The following RAB3IL1 variants were observed in gnomAD, a reference collection of about 807,000 sequenced individuals.
The protein encoded by RAB3IL1 is guanine nucleotide exchange factor for Rab-3A.
RAB3IL1 carries 37 observed loss-of-function variants against 49.2 expected under a neutral mutation model. The ratio of observed to expected loss-of-function variants is 0.75; its 90% CI spans 0.58 to 0.99. RAB3IL1 has a LOEUF of 0.99. RAB3IL1 is among the 50% of genes least tolerant of loss of function. The pLI is 0.00. For missense variants in RAB3IL1, 484 were observed against 513.0 expected, an observed-to-expected ratio of 0.94 and a Z score of 0.55; for synonymous variants, 193 against 213.9, an observed-to-expected ratio of 0.90 and a Z score of 0.85.
the RAB3IL1 span, among the ~76,000 whole-genome samples, chr11:61,946,069 C>T: frequency 4.9e-4 from 74 of 152,288 alleles, no homozygotes; most frequent in African/African-American, 1.7e-3. Context: ...GTCTGGCTTC[C>T]GGGCCCTGGA....
rs1306276544 is a variant in RAB3IL1 at position 61,898,036 on chromosome 11, ATCC to A, written c.*239_*241del. The A allele has an allele frequency of 8.1e-6, 4 of 494,144 alleles. No homozygotes were observed. The highest frequency in any genetic ancestry group is 2.0e-5 in the African/African-American group (1 of 50,350). 30.6% of individuals were successfully genotyped at this position (494,144 alleles called of 1,614,324 possible). A position where few individuals can be genotyped will look rare whatever the true frequency, so the allele number is the denominator to read the frequency against. ...CCCTGGTCTTTGGTGCTTTCTTGAA[ATCC>A]TCCTGGTGGTGGCAGAACCCAGTGG... On this transcript the variant is annotated 3_prime_UTR_variant, in exon 10 of 10. Transcript: ENST00000394836. The surrounding 1 kb of genome is among the most constrained non-coding windows in gnomAD (Gnocchi z 5.1).
At chr11:61,920,008 C>T (rs907470258), upstream of RAB3IL1, 6 of 1,232,794 alleles carry the variant, frequency 4.9e-6, no homozygotes, top group African/African-American at 6.2e-5. Context: ...CCAAGACTCC[C>T]CCTCCCCTCC....
Position 61,898,355 on chromosome 11 carries a change from G to C in RAB3IL1, c.1072C>G (p.Pro358Ala), listed in dbSNP as rs369550638. 1 of 1,613,284 alleles carries C rather than the reference G, an allele frequency of 6.2e-7. No individual in the cohort carries two copies. Among genetic ancestry groups the C allele is most frequent in the Admixed American group, 1.7e-5 (1 of 59,996 alleles). The change falls in exon 10 of 10, where the codon CCC becomes GCC. Residue 358 changes from proline to alanine, a missense_variant. Transcript: ENST00000394836. This position sits in a 1 kb window ranked among gnomAD's most constrained non-coding sequence, Gnocchi z 5.1. ...QQGLVRQDAE[P>A]MFWEIMRLRK... Reference sequence around the variant, plus strand: ...AACCTCATGATCTCCCAGAACATGGGCTCTGCTGCAGGCAGAGAGAGGGTG... The same window carrying C: ...AACCTCATGATCTCCCAGAACATGGCCTCTGCTGCAGGCAGAGAGAGGGTG...
In RAB3IL1 at chr11:61,898,470, G is replaced by C; in HGVS notation, c.1067-110C>G. ...ACAGAGCAGCTGGCACAGCACCCTA[G>C]GGTCCCCGGCCCCCAAAACAGATGA... On this transcript the variant is annotated intron_variant, in intron 9 of 9. Coordinates refer to ENST00000394836, the MANE Select transcript of RAB3IL1 (RefSeq NM_013401.4). The surrounding 1 kb of genome is among the most constrained non-coding windows in gnomAD (Gnocchi z 5.1). The C allele has an allele frequency of 4.6e-6, 4 of 870,576 alleles. No individual in the cohort carries two copies. Among genetic ancestry groups the C allele is most frequent in the Non-Finnish European group, 5.6e-6 (3 of 533,738 alleles). The allele number at this position is 870,576 out of a possible 1,614,324, so 53.9% of individuals were successfully genotyped here.
chr11:61,914,748 C>G (rs1939604926), intron 1 of RAB3IL1, among the ~76,000 whole-genome samples: 1 of 152,134 alleles, frequency 6.6e-6, no homozygotes, highest in South Asian at 2.1e-4. Flanking sequence ...ATTAACAAAG[C>G]ACAGCCACCA....
Position 61,898,939 on chromosome 11 carries a change from G to A in RAB3IL1, c.1066+375C>T, listed in dbSNP as rs1472742345. The A allele has an allele frequency of 8.2e-6, 4 of 489,502 alleles. No individual in the cohort carries two copies. Among genetic ancestry groups the A allele is most frequent in the South Asian group, 4.6e-5 (3 of 64,806 alleles). 30.3% of individuals were successfully genotyped at this position (489,502 alleles called of 1,614,324 possible). On this transcript the variant is annotated intron_variant, in intron 9 of 9. Coordinates refer to ENST00000394836, the MANE Select transcript of RAB3IL1 (RefSeq NM_013401.4). This position sits in a 1 kb window ranked among gnomAD's most constrained non-coding sequence, Gnocchi z 5.1. Reference sequence around the variant, plus strand: ...CAGGCCTTGCAGAATGGGCTGTGGGGGGAGGGGGTGGAGGGAGGCCCTGTC... The same window carrying A: ...CAGGCCTTGCAGAATGGGCTGTGGGAGGAGGGGGTGGAGGGAGGCCCTGTC...
chr11:61,939,929 G>A, the RAB3IL1 span, among the ~76,000 whole-genome samples: 3 of 151,398 alleles, frequency 2.0e-5, no homozygotes, highest in African/African-American at 4.9e-5. Context: ...CTGCACTCCA[G>A]CCTGGGCAAC....
chr11:61,935,017 A>T, the RAB3IL1 span, among the ~76,000 whole-genome samples: 1 of 152,222 alleles, frequency 6.6e-6, no homozygotes, highest in South Asian at 2.1e-4. Context: ...GAGATTTCAG[A>T]TTTGATTTCC....
At chr11:61,917,681 G>T, upstream of RAB3IL1, 1 of 578,198 alleles carries the variant, frequency 1.7e-6, no homozygotes, top group Non-Finnish European at 2.2e-6. Context: ...CCGCCGCGCC[G>T]GGACAGGGAG....
chr11:61,943,586 A>G, the RAB3IL1 span, among the ~76,000 whole-genome samples: 1 of 152,194 alleles, frequency 6.6e-6, no homozygotes, highest in Non-Finnish European at 1.5e-5. Flanking sequence ...ATGGTCTAGT[A>G]TCCAGAATAT....
At chr11:61,938,402 T>TTC in the RAB3IL1 span, among the ~76,000 whole-genome samples, 2 of 152,052 alleles carry the variant, frequency 1.3e-5, no homozygotes, top group Non-Finnish European at 1.5e-5. Flanking sequence ...ACTACATATA[T>TTC]TCCATGAAAA....
chr11:61,912,516 C>T (rs1233972234), intron 1 of RAB3IL1, among the ~76,000 whole-genome samples: 2 of 152,230 alleles, frequency 1.3e-5, no homozygotes, highest in Admixed American at 1.3e-4. Flanking sequence ...GCCAGCCCAC[C>T]ACTCCACAGG....
the RAB3IL1 span, among the ~76,000 whole-genome samples, chr11:61,929,270 T>C: frequency 6.6e-6 from 1 of 152,134 alleles, no homozygotes; most frequent in Non-Finnish European, 1.5e-5. Context: ...TTTGGGAGGC[T>C]GAGGCAGGTG....
Position 61,906,250 on chromosome 11 carries a change from T to C in RAB3IL1, c.657+216A>G, listed in dbSNP as rs1450018499. 6.6e-6 allele frequency among the ~76,000 whole-genome samples: 1 copy of C among 151,910 alleles called. No homozygotes were observed. Among genetic ancestry groups the C allele is most frequent in the Non-Finnish European group, 1.5e-5 (1 of 67,956 alleles). ...AGTGGGGCAGGGAGGGGGCCTCAGG[T>C]CCCCAGATGGTATACCCTGGAGGCT... On this transcript the variant is annotated intron_variant, in intron 5 of 9. Transcript: ENST00000394836. This position sits in a 1 kb window ranked among gnomAD's most constrained non-coding sequence, Gnocchi z 4.6.
chr11:61,904,870 G>C lies in RAB3IL1; in HGVS notation c.670C>G (p.Leu224Val), dbSNP rs765649718. The part of the protein sequence containing the change: ...DREGKEVDTI[L>V]FAEFQAWRES... ...CTCCAGGCCTGGAACTCTGCAAACA[G>C]GATTGTGTCCACCTGTGGGGGAGGG... Residue 224 changes from leucine to valine, a missense_variant, in exon 6 of 10, where the codon CTG becomes GTG. Coordinates refer to ENST00000394836, the MANE Select transcript of RAB3IL1 (RefSeq NM_013401.4). The C allele has an allele frequency of 2.5e-6, 4 of 1,602,076 alleles. No individual in the cohort carries two copies. Among genetic ancestry groups the C allele is most frequent in the Non-Finnish European group, 3.4e-6 (4 of 1,174,446 alleles).
chr11:61,898,806 C>T lies in RAB3IL1; in HGVS notation c.1067-446G>A. ...GCCTTGGCCTTGGCCTCCAAGAGGA[C>T]TTGACCCCCAGGATGGAGAGGAGAT... is the stretch of plus-strand genomic sequence containing the variant. On this transcript the variant is annotated intron_variant, in intron 9 of 9. Coordinates refer to ENST00000394836, the MANE Select transcript of RAB3IL1 (RefSeq NM_013401.4). The surrounding 1 kb of genome is among the most constrained non-coding windows in gnomAD (Gnocchi z 5.1). 1 of 469,360 alleles carries T rather than the reference C, an allele frequency of 2.1e-6. No homozygotes were observed. Among genetic ancestry groups the T allele is most frequent in the South Asian group, 1.5e-5 (1 of 64,672 alleles). 29.1% of individuals were successfully genotyped at this position (469,360 alleles called of 1,614,324 possible). A position where few individuals can be genotyped will look rare whatever the true frequency, so the allele number is the denominator to read the frequency against.
chr11:61,932,776 T>A, the RAB3IL1 span, among the ~76,000 whole-genome samples: 1 of 149,040 alleles, frequency 6.7e-6, no homozygotes, highest in African/African-American at 2.5e-5. Flanking sequence ...TTCATTTTTT[T>A]TTTTTTTTTT....
chr11:61,945,687 C>T, the RAB3IL1 span: 28 of 896,608 alleles, frequency 3.1e-5, no homozygotes, highest in Non-Finnish European at 3.6e-5. Flanking sequence ...CCATGATGTC[C>T]TTTCCGCTAC....
the RAB3IL1 span, among the ~76,000 whole-genome samples, chr11:61,935,345 G>T: frequency 6.6e-6 from 1 of 150,796 alleles, no homozygotes; most frequent in African/African-American, 2.4e-5. Context: ...GCTTGAACCC[G>T]TGTGGCAGAG....
Sources: gnomAD v4.1 joint callset for allele counts (sites outside exome capture counted in the v4.1 genomes callset) on GRCh38, gnomAD v4.1.1 for gene constraint, Gnocchi (gnomAD v3.1) non-coding constraint, MANE v1.5 for transcripts, NCBI Gene and HGNC (gene_info 2026-07-23, HGNC 2026-07-21) for gene names.